Variants in SCAP observed in about 807,000 individuals in gnomAD.
SCAP encodes SREBF chaperone, also known as sterol regulatory element-binding protein cleavage-activating protein.
Under a neutral mutation model 123.6 loss-of-function variants are expected in SCAP, and 65 were observed. The ratio of observed to expected loss-of-function variants is 0.53; its 90% CI spans 0.43 to 0.65. The LOEUF is 0.65. SCAP is among the 30% of genes least tolerant of loss of function. The pLI is 0.00. For missense variants in SCAP, 1,398 were observed against 1,712.5 expected, an observed-to-expected ratio of 0.82 and a Z score of 3.24; for synonymous variants, 740 against 726.3, an observed-to-expected ratio of 1.02 and a Z score of -0.30.
At chr3:47,429,892 C>G (rs143968318) in intron 3 of SCAP, among the ~76,000 whole-genome samples, 1 of 152,210 alleles carries the variant, frequency 6.6e-6, no homozygotes, top group East Asian at 1.9e-4. Flanking sequence ...AAGCATGTAA[C>G]CTGTCTTACT....
At chr3:47,430,344 A>T (rs981404632) in intron 3 of SCAP, among the ~76,000 whole-genome samples, 1 of 152,202 alleles carries the variant, frequency 6.6e-6, no homozygotes, top group African/African-American at 2.4e-5. Flanking sequence ...TGTAAATGAC[A>T]AGAGTGTTCA....
rs1279510596 is a variant in SCAP at position 47,416,935 on chromosome 3, G to A, written c.3056+187C>T. Among the ~76,000 whole-genome samples, 5 of 152,096 alleles carry A rather than the reference G, an allele frequency of 3.3e-5. No homozygotes were observed. The South Asian group carries it at 8.3e-4, about 25-fold the overall frequency. ...GCCACCGCGCCCGGCCACCCCTAAC[G>A]CTTTTAATTGTTACCTTCCCATCCA... On this transcript the variant is annotated intron_variant, in intron 18 of 22. Coordinates refer to ENST00000265565, the MANE Select transcript of SCAP (RefSeq NM_012235.4).
At chr3:47,447,747 C>T (rs1707100184) in intron 1 of SCAP, among the ~76,000 whole-genome samples, 1 of 151,264 alleles carries the variant, frequency 6.6e-6, no homozygotes, top group Non-Finnish European at 1.5e-5. Context: ...TGGTTCATGC[C>T]TGTAATCCCA....
At chr3:47,430,826 C>T (rs760676491) in intron 3 of SCAP, among the ~76,000 whole-genome samples, 7 of 152,092 alleles carry the variant, frequency 4.6e-5, no homozygotes, top group African/African-American at 1.4e-4. Context: ...GCTGTCTCCA[C>T]GCCTGGGCTG....
At chr3:47,457,864 G>A (rs1240812986) in intron 1 of SCAP, among the ~76,000 whole-genome samples, 5 of 151,930 alleles carry the variant, frequency 3.3e-5, no homozygotes, top group East Asian at 2.0e-4. Flanking sequence ...CTGAGATGGC[G>A]CCACTGCACT....
chr3:47,416,364 A>C (rs533965368), intron 18 of SCAP, among the ~76,000 whole-genome samples: 1 of 152,216 alleles, frequency 6.6e-6, no homozygotes, highest in African/African-American at 2.4e-5. Flanking sequence ...GCCAAGCACG[A>C]CAGAGGCAGG....
intron 3 of SCAP, among the ~76,000 whole-genome samples, chr3:47,430,901 C>T (rs944255202): frequency 6.6e-6 from 1 of 152,226 alleles, no homozygotes; most frequent in African/African-American, 2.4e-5. Context: ...CTCACCAATG[C>T]AGTACTCCAG....
Position 47,421,038 on chromosome 3 carries a change from A to G in SCAP, c.1246-9T>C, listed in dbSNP as rs777599467. On this transcript the variant is annotated splice_polypyrimidine_tract_variant and intron_variant, in intron 10 of 22. Coordinates refer to ENST00000265565, the MANE Select transcript of SCAP (RefSeq NM_012235.4). The stretch of plus-strand genomic sequence containing the variant: ...GCAAAGAGACAGAACTCCTGGAATC[A>G]GAGCACATGGGGATGGGGGGGTGCC... 1 of 1,610,326 alleles carries G rather than the reference A, an allele frequency of 6.2e-7. No individual in the cohort carries two copies. Among genetic ancestry groups the G allele is most frequent in the Non-Finnish European group, 8.5e-7 (1 of 1,176,706 alleles).
chr3:47,432,119 C>T (rs1706382086), intron 3 of SCAP, among the ~76,000 whole-genome samples: 1 of 151,938 alleles, frequency 6.6e-6, no homozygotes. Flanking sequence ...GAGATCAAGA[C>T]CATCCTGGCC....
intron 3 of SCAP, among the ~76,000 whole-genome samples, chr3:47,431,339 AAAG>A (rs1265439279): frequency 1.8e-4 from 1 of 5,668 alleles, no homozygotes; most frequent in Non-Finnish European, 1.0e-3. Flanking sequence ...AGGTATATAA[AAAG>A]AAGGACATTT....
intron 3 of SCAP, among the ~76,000 whole-genome samples, chr3:47,431,244 G>A (rs1303108953): frequency 6.6e-4 from 1 of 1,520 alleles, no homozygotes; most frequent in Non-Finnish European, 0.033. Flanking sequence ...CACTCACTGT[G>A]CTGAGTGAAC....
chr3:47,415,025 G>C, intron 19 of SCAP, 32 bp from the exon 20 acceptor site: 1 of 1,580,092 alleles, frequency 6.3e-7, no homozygotes, highest in Non-Finnish European at 8.6e-7. Context: ...AAGAATCTCT[G>C]AGAAAGCAAT....
At position 47,414,518 on chromosome 3, in the gene SCAP, A is replaced by G. The variant is rs2107739986; in HGVS notation, c.3387+54T>C. 8.1e-6 allele frequency: 13 copies of G among 1,608,332 alleles called. No homozygotes were observed. In the South Asian group the frequency reaches 1.4e-4, roughly 18 times the overall value. On this transcript the variant is annotated intron_variant, in intron 21 of 22. Transcript: ENST00000265565. ...CCCTGGGGACCAGCTCCCAGGAGTC[A>G]GCAAACATGGGCCACAGACTCTGTA...
upstream of SCAP, among the ~76,000 whole-genome samples, chr3:47,476,322 G>GT (rs1708271512): frequency 6.6e-6 from 1 of 152,288 alleles, no homozygotes; most frequent in Admixed American, 6.5e-5. Context: ...TTAGCCGGCT[G>GT]TGGTGGCGCG....
chr3:47,433,176 G>T (rs1356771161), intron 3 of SCAP, among the ~76,000 whole-genome samples: 2 of 152,140 alleles, frequency 1.3e-5, no homozygotes, highest in African/African-American at 2.4e-5. Flanking sequence ...CTCTGATTTG[G>T]GTTGAATTTC....
chr3:47,425,630 GTA>G lies in SCAP; in HGVS notation c.911-21_911-20del, dbSNP rs1559546548. 1 of 1,612,956 alleles carries G rather than the reference GTA, an allele frequency of 6.2e-7. No individual in the cohort carries two copies. The highest frequency in any genetic ancestry group is 1.1e-5 in the South Asian group (1 of 91,030). On this transcript the variant is annotated intron_variant, in intron 7 of 22. Coordinates refer to ENST00000265565, the MANE Select transcript of SCAP (RefSeq NM_012235.4). ...ATCTTCCCTGGAGGGCAGAGAGGGC[GTA>G]TCAGGGCGGCCCCTCCCCCAGCCCC... is the stretch of plus-strand genomic sequence containing the variant.
intron 4 of SCAP, among the ~76,000 whole-genome samples, chr3:47,427,922 A>G (rs1706207237): frequency 6.6e-6 from 1 of 152,146 alleles, no homozygotes; most frequent in Non-Finnish European, 1.5e-5. Context: ...AGTGTACTAT[A>G]AGAGCATGCA....
Position 47,475,838 on chromosome 3 carries a change from G to GGCGGCGACGGGGGCGGCA in SCAP, c.-156_-139dup, listed in dbSNP as rs1463017438. ...CCTCCCAAGCTGCGGCGGCGGCGGC[G>GGCGGCGACGGGGGCGGCA]GCGGCGACGGGGGCGGCAGCAGGGG... On this transcript the variant is annotated 5_prime_UTR_variant, in exon 1 of 23. Transcript: ENST00000265565. 12 of 161,166 alleles carry GGCGGCGACGGGGGCGGCA rather than the reference G, an allele frequency of 7.4e-5. No individual in the cohort carries two copies. In the South Asian group the frequency reaches 2.1e-3, roughly 28 times the overall value. 10.0% of individuals were successfully genotyped at this position (161,166 alleles called of 1,614,324 possible). A position where few individuals can be genotyped will look rare whatever the true frequency, so the allele number is the denominator to read the frequency against.
intron 2 of SCAP, among the ~76,000 whole-genome samples, chr3:47,441,874 C>CTTTTTTTTTTTTTTTTTTTTT (rs1160447716): frequency 3.9e-5 from 3 of 76,410 alleles, no homozygotes; most frequent in Non-Finnish European, 7.0e-5. Context: ...GTTCATCTTT[C>CTTTTTTTTTTTTTTTTTTTTT]TTTTTTTTTT....
Sources: allele counts gnomAD v4.1 joint callset (sites outside exome capture counted in the v4.1 genomes callset), GRCh38; gene constraint gnomAD v4.1.1; transcripts MANE v1.5; gene names NCBI Gene and HGNC (gene_info 2026-07-23, HGNC 2026-07-21).